UST: variants seen among roughly 807,000 people sequenced by gnomAD.
UST encodes chondroitin sulfate 2-O-sulfotransferase.
UST carries 21 observed loss-of-function variants against 45.6 expected under a neutral mutation model. The ratio of observed to expected loss-of-function variants is 0.46; its 90% CI spans 0.33 to 0.66. The LOEUF is 0.66. Among genes scored for constraint, UST ranks in the 30% least tolerant of loss-of-function variants. UST has a pLI of 0.02. For missense variants in UST, 463 were observed against 512.4 expected, an observed-to-expected ratio of 0.90 and a Z score of 0.93; for synonymous variants, 215 against 200.6, an observed-to-expected ratio of 1.07 and a Z score of -0.61.
intron 7 of UST, among the ~76,000 whole-genome samples, chr6:149,033,858 A>G (rs894539968): frequency 2.6e-5 from 4 of 152,228 alleles, no homozygotes; most frequent in Non-Finnish European, 4.4e-5. Context: ...ATAGTCCTAT[A>G]AGATGTATAA....
At chr6:148,845,058 A>C (rs1318424682) in intron 1 of UST, among the ~76,000 whole-genome samples, 2 of 151,990 alleles carry the variant, frequency 1.3e-5, no homozygotes, top group African/African-American at 4.8e-5. Context: ...GGTTGATTCC[A>C]TGTCTTTGCT....
At chr6:149,060,054 C>A (rs1562342915) in intron 7 of UST, among the ~76,000 whole-genome samples, 1 of 152,196 alleles carries the variant, frequency 6.6e-6, no homozygotes, top group East Asian at 1.9e-4. Flanking sequence ...AAAGTGTGTG[C>A]ATTAGAAACC....
intron 1 of UST, among the ~76,000 whole-genome samples, chr6:148,789,989 CTTTTTTTTTT>C (rs56987468): frequency 7.9e-6 from 1 of 127,048 alleles, no homozygotes; most frequent in Admixed American, 8.1e-5. Flanking sequence ...TTTCAGGATT[CTTTTTTTTTT>C]TTTTTTTTTC....
At chr6:148,956,538 A>C (rs1780510817) in intron 4 of UST, among the ~76,000 whole-genome samples, 1 of 152,220 alleles carries the variant, frequency 6.6e-6, no homozygotes, top group Non-Finnish European at 1.5e-5. Context: ...TTACAGATGT[A>C]CAATTCAAGA....
chr6:148,815,585 A>G (rs1422089062), intron 1 of UST, among the ~76,000 whole-genome samples: 3 of 152,214 alleles, frequency 2.0e-5, no homozygotes, highest in Middle Eastern at 6.3e-3. Context: ...CCACATGGAA[A>G]AATCACCCTT....
At chr6:148,939,362 T>G (rs892770253) in intron 2 of UST, among the ~76,000 whole-genome samples, 1 of 152,096 alleles carries the variant, frequency 6.6e-6, no homozygotes, top group African/African-American at 2.4e-5. Context: ...AAAGTTCACA[T>G]GGAAATGCAA....
chr6:148,861,941 G>A (rs1778324524), intron 1 of UST, among the ~76,000 whole-genome samples: 1 of 69,202 alleles, frequency 1.4e-5, no homozygotes, highest in South Asian at 4.8e-4. Flanking sequence ...TTTGGAATAA[G>A]TGTGATGTGT....
rs1779890718 is a variant in UST, at chr6:148,929,950, G to A, written c.292-11329G>A. ...AATGCCAAGAAGCCAATTCCACATA[G>A]CCAAATCAAACATGGGAGGGAGGCT... is the stretch of plus-strand genomic sequence containing the variant. On this transcript the variant is annotated intron_variant, in intron 2 of 7. Transcript: ENST00000367463. 2.6e-5 allele frequency among the ~76,000 whole-genome samples: 4 copies of A among 152,148 alleles called. No homozygotes were observed. In the South Asian group the frequency reaches 8.3e-4, roughly 32 times the overall value.
At chr6:148,978,619 C>A (rs1251529880) in intron 5 of UST, among the ~76,000 whole-genome samples, 1 of 150,900 alleles carries the variant, frequency 6.6e-6, no homozygotes, top group Non-Finnish European at 1.5e-5. Flanking sequence ...GGGAGTTGAA[C>A]AATGAGAACA....
chr6:148,864,932 TGTG>T (rs1304077294), intron 1 of UST, among the ~76,000 whole-genome samples: 2 of 152,220 alleles, frequency 1.3e-5, no homozygotes, highest in Non-Finnish European at 2.9e-5. Flanking sequence ...ATTTTTAAAA[TGTG>T]GTGTGCATTA....
chr6:148,938,744 A>G (rs1780065514), intron 2 of UST, among the ~76,000 whole-genome samples: 1 of 151,728 alleles, frequency 6.6e-6, no homozygotes, highest in Non-Finnish European at 1.5e-5. Flanking sequence ...GATGCTTTTC[A>G]TAATAGCTAT....
At chr6:148,922,252 C>T (rs1434948802) in intron 2 of UST, among the ~76,000 whole-genome samples, 1 of 151,624 alleles carries the variant, frequency 6.6e-6, no homozygotes. Flanking sequence ...CTCCCCACAT[C>T]CCCCATGACC....
At chr6:148,977,952 T>TA (rs2114976362) in intron 5 of UST, among the ~76,000 whole-genome samples, 1 of 152,248 alleles carries the variant, frequency 6.6e-6, no homozygotes, top group East Asian at 1.9e-4. Flanking sequence ...ACTTCTGTTA[T>TA]ATCTCTCCAG....
intron 5 of UST, among the ~76,000 whole-genome samples, chr6:148,966,846 C>T (rs1379886860): frequency 2.0e-5 from 3 of 152,224 alleles, no homozygotes; most frequent in Admixed American, 6.5e-5. Context: ...AAGCGATTCT[C>T]CTGCTTCAGC....
rs905913323 is a variant in UST at position 148,964,806 on chromosome 6, G to T, written c.681+243G>T. ...TTTGCTTTGCTCAGTTGTCTTTAGT[G>T]CTAGGTTTTGGGACCCAGAGCGTTA... On this transcript the variant is annotated intron_variant, in intron 5 of 7. Coordinates refer to ENST00000367463, the MANE Select transcript of UST (RefSeq NM_005715.3). The T allele has an allele frequency of 5.5e-5, 29 of 528,700 alleles. 1 individual carries two copies. In the Middle Eastern group the frequency reaches 1.5e-3, roughly 28 times the overall value. 32.8% of individuals were successfully genotyped at this position (528,700 alleles called of 1,614,324 possible).
chr6:149,021,402 G>T lies in UST; in HGVS notation c.858G>T (p.Glu286Asp). Residue 286 changes from glutamate (E) to aspartate (D), a missense_variant, in exon 7 of 8, where the codon GAG (glutamate) becomes GAT (aspartate). Transcript: ENST00000367463. ...ENFLLVGILE[E>D]LEDVLLLLER... Reference sequence around the variant, plus strand: ...TCCTGCTCGTGGGGATTCTTGAAGAGTTGGAAGATGTGCTGCTGTTACTGG... The same window carrying T: ...TCCTGCTCGTGGGGATTCTTGAAGATTTGGAAGATGTGCTGCTGTTACTGG... 4 of 1,614,232 alleles carry T rather than the reference G, an allele frequency of 2.5e-6. No individual in the cohort carries two copies. Among genetic ancestry groups the T allele is most frequent in the Non-Finnish European group, 3.4e-6 (4 of 1,180,044 alleles).
chr6:148,842,516 G>A (rs550276174), intron 1 of UST, among the ~76,000 whole-genome samples: 4 of 152,330 alleles, frequency 2.6e-5, no homozygotes, highest in Non-Finnish European at 5.9e-5. Flanking sequence ...GGAGGCCGCC[G>A]GCTGACTTTG....
intron 2 of UST, among the ~76,000 whole-genome samples, chr6:148,889,021 G>T (rs1778962505): frequency 6.6e-6 from 1 of 152,198 alleles, no homozygotes; most frequent in African/African-American, 2.4e-5. Flanking sequence ...ATCTGAATTA[G>T]GTCTTCTGGC....
At chr6:148,829,140 GGGAT>G (rs61564934) in intron 1 of UST, among the ~76,000 whole-genome samples, 28,413 of 149,250 alleles carry the variant, frequency 0.19, 3,553 homozygotes, top group African/African-American at 0.35. Flanking sequence ...GTTAAGCCCT[GGGAT>G]GGATGGATGG....
Sources: gnomAD v4.1 joint callset for allele counts (sites outside exome capture counted in the v4.1 genomes callset) on GRCh38, gnomAD v4.1.1 for gene constraint, MANE v1.5 for transcripts, NCBI Gene and HGNC (gene_info 2026-07-23, HGNC 2026-07-21) for gene names.